The following PKHD1 variants were observed in gnomAD, a reference collection of about 807,000 sequenced individuals.
PKHD1 encodes the protein fibrocystin.
A neutral mutation model predicts 412.0 loss-of-function variants in PKHD1; 291 were observed. The ratio of observed to expected loss-of-function variants is 0.71; its 90% CI spans 0.64 to 0.78. The LOEUF (loss-of-function observed/expected upper bound fraction) is 0.78, where lower values mean the gene tolerates loss of function less well. Ranked by LOEUF, PKHD1 falls within the 30% of genes least tolerant of loss-of-function variation. The probability of loss-of-function intolerance (pLI) is 0.00; values close to 1 mark genes in which losing one functional copy is unlikely to be tolerated. For synonymous variants in PKHD1, 1,777 were observed against 1,821.5 expected, an observed-to-expected ratio of 0.98 and a Z score of 0.62; for missense variants, 4,825 against 4,950.7, an observed-to-expected ratio of 0.97 and a Z score of 0.76.
chr6:52,085,044 A>C, intron 1 of PKHD1, 27 bp from the exon 2 acceptor site: 1 of 803,514 alleles, frequency 1.2e-6, no homozygotes, highest in South Asian at 1.4e-5. Context: ...AAAGCAAAAA[A>C]AAATTATCAT....
chr6:51,907,377 G>GTGCCC (rs1782271624), intron 40 of PKHD1, among the ~76,000 whole-genome samples: 2 of 152,140 alleles, frequency 1.3e-5, no homozygotes, highest in African/African-American at 4.8e-5. Flanking sequence ...CTACTACTAG[G>GTGCCC]TGCCCTCACA....
intron 43 of PKHD1, among the ~76,000 whole-genome samples, chr6:51,897,449 A>G (rs1263401351): frequency 1.3e-5 from 2 of 151,866 alleles, no homozygotes; most frequent in Non-Finnish European, 2.9e-5. Flanking sequence ...AATCCTTTAC[A>G]GACAAGCAAA....
At chr6:51,941,105 C>G (rs1315409964) in intron 36 of PKHD1, among the ~76,000 whole-genome samples, 2 of 151,136 alleles carry the variant, frequency 1.3e-5, no homozygotes, top group Non-Finnish European at 3.0e-5. Context: ...CCCTCCTTGG[C>G]GACTGATCAT....
In PKHD1 at chr6:51,887,217, C is replaced by A. The variant is rs1246632489; in HGVS notation, c.7025G>T (p.Gly2342Val). Residue 2342 changes from glycine (G) to valine (V), a missense_variant, in exon 44 of 67, where the codon GGC becomes GTC. Gly to Val is a moderately radical substitution (Grantham distance 109, BLOSUM62 -3). Transcript: ENST00000371117. ...EGNRVCGAGY[G>V]YFFHLMTNQT... The stretch of plus-strand genomic sequence containing the variant: ...GTTGGTCATGAGATGGAAAAAGTAG[C>A]CATAGCCAGCACCACACACTCTGTT... 6.2e-7 allele frequency: 1 copy of A among 1,611,806 alleles called. No individual in the cohort carries two copies. The highest frequency in any genetic ancestry group is 8.5e-7 in the Non-Finnish European group (1 of 1,178,014).
intron 37 of PKHD1, among the ~76,000 whole-genome samples, chr6:51,930,267 C>T (rs1055429463): frequency 5.3e-5 from 8 of 152,208 alleles, no homozygotes; most frequent in Middle Eastern, 3.4e-3. Flanking sequence ...GTCATATTAA[C>T]GCATCAAAGT....
At chr6:52,086,103 CAAAGTGTGTGTG>C (rs988194026) in intron 1 of PKHD1, among the ~76,000 whole-genome samples, 11 of 142,786 alleles carry the variant, frequency 7.7e-5, no homozygotes, top group Admixed American at 3.5e-4. Flanking sequence ...TACACACACA[CAAAGTGTGTGTG>C]TATGTGTGTG....
chr6:51,721,532 C>T, intron 60 of PKHD1: 1 of 984,780 alleles, frequency 1.0e-6, no homozygotes, highest in Non-Finnish European at 1.2e-6. Context: ...AATTTATCTC[C>T]AAAGCTCTAA....
At chr6:51,720,922 AATG>A in intron 60 of PKHD1, 1 of 925,786 alleles carries the variant, frequency 1.1e-6, no homozygotes, top group Non-Finnish European at 1.3e-6. Flanking sequence ...CTGTTGAAGA[AATG>A]AGTTAATAAA....
intron 60 of PKHD1, among the ~76,000 whole-genome samples, chr6:51,684,925 T>A (rs781083011): frequency 2.0e-5 from 3 of 152,144 alleles, no homozygotes; most frequent in Non-Finnish European, 4.4e-5. Context: ...TAAGTTAGTT[T>A]TATGAATATT....
rs2128117236 is a variant in PKHD1 at position 52,010,388 on chromosome 6, T to C, written c.5672A>G (p.Glu1891Gly). 1 of 1,611,666 alleles carries C rather than the reference T, an allele frequency of 6.2e-7. No homozygotes were observed. The highest frequency in any genetic ancestry group is 8.5e-7 in the Non-Finnish European group (1 of 1,177,780). Residue 1891 changes from glutamate (E) to glycine (G), a missense_variant, in exon 35 of 67, where the codon GAG (glutamate) becomes GGG (glycine). Transcript: ENST00000371117. ...CTGATTGGGCGTCTCACACTCCATC[T>C]CTGCCTCAGTTTCCATGGTAATGTT... ...SCNITMETEA[E>G]MECETPNQPI...
At chr6:52,020,789 G>A (rs1035068108) in intron 33 of PKHD1, among the ~76,000 whole-genome samples, 3 of 152,118 alleles carry the variant, frequency 2.0e-5, no homozygotes, top group Non-Finnish European at 4.4e-5. Flanking sequence ...AAATACAAGT[G>A]ATTTTTAGCT....
chr6:51,980,823 T>C (rs116268749), intron 35 of PKHD1, among the ~76,000 whole-genome samples: 122 of 152,372 alleles, frequency 8.0e-4, no homozygotes, highest in African/African-American at 2.8e-3. Flanking sequence ...ACATGATCCC[T>C]ATTATAACCC....
chr6:51,659,737 T>C lies in PKHD1; in HGVS notation c.10389A>G (p.Leu3463=). 2 of 1,613,700 alleles carry C rather than the reference T, an allele frequency of 1.2e-6. No individual in the cohort carries two copies. Among genetic ancestry groups the C allele is most frequent in the African/African-American group, 1.3e-5 (1 of 74,972 alleles). The change falls in exon 61 of 67, where the codon TTA becomes TTG. Residue 3463 remains leucine (L), a synonymous_variant. Transcript: ENST00000371117. ...SGSVSTFYSI[L]PIRQITKVCF... is the part of the protein sequence containing the mutation. ...AGACTTTGGTGATTTGCCTGATGGG[T>C]AAGATAGAATAGAAAGTAGACACTG...
chr6:51,887,053 G>C, intron 44 of PKHD1, 80 bp downstream of exon 44: 2 of 896,980 alleles, frequency 2.2e-6, no homozygotes, highest in Non-Finnish European at 3.8e-6. Flanking sequence ...AATGCCCAAA[G>C]TGCTCTCATT....
chr6:51,902,771 A>G lies in PKHD1; in HGVS notation c.6996+826T>C, dbSNP rs370736256. Among the ~76,000 whole-genome samples the G allele has an allele frequency of 3.9e-5, 6 of 152,224 alleles. 1 individual carries two copies. The East Asian group carries it at 7.7e-4, about 20-fold the overall frequency. ...CTGATGCACTTGTTCACTCAGGTCT[A>G]CAGCTACATTGTCCCCTCAAAAATT... On this transcript the variant is annotated intron_variant, in intron 43 of 66. Transcript: ENST00000371117.
chr6:51,894,931 T>G (rs887436113), intron 43 of PKHD1, among the ~76,000 whole-genome samples: 4 of 152,158 alleles, frequency 2.6e-5, no homozygotes, highest in Non-Finnish European at 5.9e-5. Flanking sequence ...TGAAATTATT[T>G]TAAAATTAAA....
intron 55 of PKHD1, among the ~76,000 whole-genome samples, chr6:51,761,093 T>C (rs1287592814): frequency 6.6e-6 from 1 of 152,090 alleles, no homozygotes; most frequent in Non-Finnish European, 1.5e-5. Context: ...TCCAAGGATA[T>C]GAAATCAGTA....
At chr6:52,001,038 T>C (rs931336707) in intron 35 of PKHD1, among the ~76,000 whole-genome samples, 1 of 152,202 alleles carries the variant, frequency 6.6e-6, no homozygotes, top group Non-Finnish European at 1.5e-5. Flanking sequence ...CAGGGGACTG[T>C]ACCTAAATCA....
chr6:51,842,589 T>TC (rs994820048), intron 50 of PKHD1, among the ~76,000 whole-genome samples: 10 of 151,966 alleles, frequency 6.6e-5, no homozygotes, highest in African/African-American at 2.4e-4. Flanking sequence ...CTTCTCAACC[T>TC]CCCCCCGCCT....
Sources: gnomAD v4.1 joint callset for allele counts (sites outside exome capture counted in the v4.1 genomes callset) on GRCh38, gnomAD v4.1.1 for gene constraint, MANE v1.5 for transcripts, NCBI Gene and HGNC (gene_info 2026-07-23, HGNC 2026-07-21) for gene names.